The following BMP8A variants were observed in gnomAD, a reference collection of about 807,000 sequenced individuals.
BMP8A encodes the protein bone morphogenetic protein 8a.
Under a neutral mutation model 36.8 loss-of-function variants are expected in BMP8A, and 14 were observed. That is an observed-to-expected ratio of 0.38 (90% CI 0.25 to 0.60). BMP8A has a LOEUF of 0.60. Ranked by LOEUF, BMP8A falls within the 20% of genes least tolerant of loss-of-function variation. The pLI, the probability that BMP8A is intolerant of heterozygous loss-of-function variation, is 0.63. For synonymous variants in BMP8A, 120 were observed against 237.7 expected, an observed-to-expected ratio of 0.50 and a Z score of 4.55; for missense variants, 267 against 551.1, an observed-to-expected ratio of 0.48 and a Z score of 5.16.
At chr1:39,507,814 G>A (rs1308603317) in intron 1 of BMP8A, among the ~76,000 whole-genome samples, 6 of 152,156 alleles carry the variant, frequency 3.9e-5, no homozygotes, top group African/African-American at 7.2e-5. Flanking sequence ...GTTTTCATTT[G>A]ACCCACTGTT....
rs543602529 is a variant in BMP8A, at chr1:39,498,598, G to A, written c.334+6273G>A. 9.9e-5 allele frequency among the ~76,000 whole-genome samples: 15 copies of A among 151,780 alleles called. No homozygotes were observed. In the South Asian group the frequency reaches 1.5e-3, roughly 15 times the overall value. On this transcript the variant is annotated intron_variant, in intron 1 of 6. Transcript: ENST00000331593. Reference sequence around the variant, plus strand: ...TACCTCAGCATGGAGCCCTGGGCCCGCCTCGAGGCGGTGCTGAGATTTCTG... The same window carrying A: ...TACCTCAGCATGGAGCCCTGGGCCCACCTCGAGGCGGTGCTGAGATTTCTG...
intron 3 of BMP8A, among the ~76,000 whole-genome samples, chr1:39,513,981 G>C (rs1645377616): frequency 6.6e-6 from 1 of 151,684 alleles, no homozygotes; most frequent in South Asian, 2.1e-4. Flanking sequence ...CAGAAGCAAG[G>C]GTTTGTCATT....
At chr1:39,498,948 G>T (rs2797377) in intron 1 of BMP8A, among the ~76,000 whole-genome samples, 187 of 152,044 alleles carry the variant, frequency 1.2e-3, no homozygotes, top group African/African-American at 3.5e-3. Flanking sequence ...GGCTCTGAGT[G>T]CCGGACACTG....
chr1:39,522,062 A>G (rs1645431241), intron 4 of BMP8A, among the ~76,000 whole-genome samples: 1 of 116,074 alleles, frequency 8.6e-6, no homozygotes, highest in Non-Finnish European at 1.9e-5. Context: ...GTGTGGCAGG[A>G]GAGGGTGGGC....
intron 1 of BMP8A, among the ~76,000 whole-genome samples, chr1:39,493,211 G>A (rs1645176444): frequency 6.6e-6 from 1 of 152,222 alleles, no homozygotes; most frequent in Non-Finnish European, 1.5e-5. Context: ...TGGGGGAGCT[G>A]TGGGGCTGAG....
At chr1:39,509,788 A>G (rs1485490323) in intron 1 of BMP8A, among the ~76,000 whole-genome samples, 2 of 152,302 alleles carry the variant, frequency 1.3e-5, no homozygotes, top group Non-Finnish European at 2.9e-5. Context: ...ACTCACAAAC[A>G]TATCATTGAA....
rs1470682490 is a variant in BMP8A at position 39,527,696 on chromosome 1, G to A, written c.*1898G>A. Among the ~76,000 whole-genome samples the A allele has an allele frequency of 6.6e-6, 1 of 152,238 alleles. No homozygotes were observed. The highest frequency in any genetic ancestry group is 1.5e-5 in the Non-Finnish European group (1 of 68,034). On this transcript the variant is annotated 3_prime_UTR_variant, in exon 7 of 7. Coordinates refer to ENST00000331593, the MANE Select transcript of BMP8A (RefSeq NM_181809.4). Reference sequence around the variant, plus strand: ...ATGGTGAGTTCCCCACTAGTCTAAGGCTTCAAGCTCAGCTAGCAGAGATTG... The same window carrying A: ...ATGGTGAGTTCCCCACTAGTCTAAGACTTCAAGCTCAGCTAGCAGAGATTG...
Position 39,515,687 on chromosome 1 carries a change from G to A in BMP8A, c.673+3783G>A, listed in dbSNP as rs1438700286. ...AAGCTGCAGACGTCACGGCGGTGGA[G>A]GTGGGGGCTTCCCCCCAGAAGACAT... On this transcript the variant is annotated intron_variant, in intron 3 of 6. Coordinates refer to ENST00000331593, the MANE Select transcript of BMP8A (RefSeq NM_181809.4). 16 of 1,575,734 alleles carry A rather than the reference G, an allele frequency of 1.0e-5. 2 individuals carry two copies. The highest frequency in any genetic ancestry group is 1.3e-5 in the African/African-American group (1 of 74,570).
chr1:39,505,165 A>G (rs1282739497), intron 1 of BMP8A, among the ~76,000 whole-genome samples: 1 of 152,108 alleles, frequency 6.6e-6, no homozygotes, highest in Admixed American at 6.6e-5. Flanking sequence ...CAGACCCTTT[A>G]CAGGTGTCAG....
At chr1:39,517,054 A>G (rs1344000307) in intron 3 of BMP8A, among the ~76,000 whole-genome samples, 3 of 151,990 alleles carry the variant, frequency 2.0e-5, no homozygotes, top group African/African-American at 7.3e-5. Context: ...AATGGAATGC[A>G]GTGATCTCAC....
At chr1:39,495,970 G>A (rs1645201837) in intron 1 of BMP8A, among the ~76,000 whole-genome samples, 2 of 150,484 alleles carry the variant, frequency 1.3e-5, no homozygotes, top group Admixed American at 6.6e-5. Context: ...TGTGGTCTCC[G>A]GTGGCCATGG....
In BMP8A at chr1:39,529,783, A is replaced by C. The variant is rs1218315798; in HGVS notation, c.*3985A>C. 6.6e-6 allele frequency among the ~76,000 whole-genome samples: 1 copy of C among 152,090 alleles called. No individual in the cohort carries two copies. The highest frequency in any genetic ancestry group is 1.5e-5 in the Non-Finnish European group (1 of 68,014). On this transcript the variant is annotated 3_prime_UTR_variant, in exon 7 of 7. Transcript: ENST00000331593. ...GGATATTTTACAAAGTTAGGATCCT[A>C]CTCTATGCACTGCTTGGTGATCGGA...
chr1:39,526,019 C>A lies in BMP8A; in HGVS notation c.*221C>A. The A allele has an allele frequency of 1.4e-6, 1 of 726,586 alleles. No individual in the cohort carries two copies. The highest frequency in any genetic ancestry group is 2.2e-6 in the Non-Finnish European group (1 of 454,612). The allele number at this position is 726,586 out of a possible 1,614,324, so 45.0% of individuals were successfully genotyped here. A position where few individuals can be genotyped will look rare whatever the true frequency, so the allele number is the denominator to read the frequency against. On this transcript the variant is annotated 3_prime_UTR_variant, in exon 7 of 7. Coordinates refer to ENST00000331593, the MANE Select transcript of BMP8A (RefSeq NM_181809.4). ...TGCCCGACACTTTGGTGGCCTAAGGCACACAGCAGCCTCAGAGCCTGTGCT... is the reference window on the plus strand; with the variant it reads ...TGCCCGACACTTTGGTGGCCTAAGGAACACAGCAGCCTCAGAGCCTGTGCT...
At chr1:39,503,458 C>T (rs1197566525) in intron 1 of BMP8A, among the ~76,000 whole-genome samples, 4 of 149,560 alleles carry the variant, frequency 2.7e-5, no homozygotes, top group Non-Finnish European at 4.4e-5. Flanking sequence ...GATTTCATCT[C>T]TACAAAAAAT....
At chr1:39,492,530 T>TGG (rs1557683025) in intron 1 of BMP8A, among the ~76,000 whole-genome samples, 1 of 152,000 alleles carries the variant, frequency 6.6e-6, no homozygotes. Flanking sequence ...GAGCAGAGTG[T>TGG]GGGGGACTGT....
intron 1 of BMP8A, among the ~76,000 whole-genome samples, chr1:39,503,168 C>T (rs1002577836): frequency 8.5e-5 from 13 of 152,146 alleles, no homozygotes; most frequent in African/African-American, 2.7e-4. Flanking sequence ...CCAGCCTGGA[C>T]AAGATGGCAA....
rs923867832 is a variant in BMP8A at position 39,515,579 on chromosome 1, C to T, written c.673+3675C>T. ...AGCGCGCCATCCGGGCAGACTTCGCCCTGGTGAAAGGGTGGAAGGCCGACC... is the reference window on the plus strand; with the variant it reads ...AGCGCGCCATCCGGGCAGACTTCGCTCTGGTGAAAGGGTGGAAGGCCGACC... On this transcript the variant is annotated intron_variant, in intron 3 of 6. Transcript: ENST00000331593. 4 of 1,465,406 alleles carry T rather than the reference C, an allele frequency of 2.7e-6. No homozygotes were observed. The Admixed American group carries it at 5.7e-5, about 21-fold the overall frequency. The allele number at this position is 1,465,406 out of a possible 1,614,324, so 90.8% of individuals were successfully genotyped here. A position where few individuals can be genotyped will look rare whatever the true frequency, so the allele number is the denominator to read the frequency against.
chr1:39,525,464 C>G (rs1044786927), intron 6 of BMP8A, among the ~76,000 whole-genome samples, 185 bp from the exon 7 acceptor site: 10 of 152,154 alleles, frequency 6.6e-5, no homozygotes, highest in African/African-American at 9.7e-5. Flanking sequence ...TGGGCCACCA[C>G]AGCTCCCGCT....
chr1:39,519,499 C>T (rs1645415268), intron 3 of BMP8A, among the ~76,000 whole-genome samples: 1 of 144,604 alleles, frequency 6.9e-6, no homozygotes. Flanking sequence ...CAGCTCACAG[C>T]CTCCCTGTCT....
Sources: allele counts gnomAD v4.1 joint callset (sites outside exome capture counted in the v4.1 genomes callset), GRCh38; gene constraint gnomAD v4.1.1; transcripts MANE v1.5; gene names NCBI Gene and HGNC (gene_info 2026-07-23, HGNC 2026-07-21).